The following CEP162 variants were observed in gnomAD, a reference collection of about 807,000 sequenced individuals.
CEP162 encodes centrosomal protein 162.
In CEP162, 141 loss-of-function variants were observed where a neutral mutation model predicts 169.2. The ratio of observed to expected loss-of-function variants is 0.83; its 90% CI spans 0.73 to 0.96. The LOEUF (loss-of-function observed/expected upper bound fraction) is 0.96, where lower values mean the gene tolerates loss of function less well. CEP162 is among the 40% of genes least tolerant of loss of function. The pLI is 0.00. For missense variants in CEP162, 1,600 were observed against 1,587.2 expected (o/e 1.01, Z -0.14); for synonymous variants, 540 against 526.4 (o/e 1.03, Z -0.35).
chr6:84,180,714 G>A (rs1372395920), intron 13 of CEP162, among the ~76,000 whole-genome samples: 1 of 151,934 alleles, frequency 6.6e-6, no homozygotes, highest in Non-Finnish European at 1.5e-5. Flanking sequence ...GACAAACAGA[G>A]AGCCAAATCA....
chr6:84,130,484 T>G (rs916343160), intron 25 of CEP162, among the ~76,000 whole-genome samples: 4 of 152,212 alleles, frequency 2.6e-5, no homozygotes, highest in Non-Finnish European at 4.4e-5. Context: ...ACCCATCCAG[T>G]CCTGGACTTT....
intron 3 of CEP162, among the ~76,000 whole-genome samples, chr6:84,216,959 CTT>C (rs963106167): frequency 7.2e-5 from 11 of 152,116 alleles, no homozygotes; most frequent in African/African-American, 2.7e-4. Context: ...AAAAGTATAA[CTT>C]ATGTTTATGT....
In CEP162 at chr6:84,160,841, C is replaced by G; in HGVS notation, c.2752G>C (p.Ala918Pro). The change falls in exon 21 of 27, where the codon GCC becomes CCC. Residue 918 changes from alanine to proline, a missense_variant. By Grantham distance (27) the Ala-to-Pro change is conservative. Transcript: ENST00000403245. ...CGCTCCAGATCCTGAATTTTTTTGGCATCTGCTGCTTTATCTTTTAAGCGT... is the reference window on the plus strand; with the variant it reads ...CGCTCCAGATCCTGAATTTTTTTGGGATCTGCTGCTTTATCTTTTAAGCGT... Reference protein sequence around the residue: ...KIRLKDKAADAKKIQDLERQV... With the variant: ...KIRLKDKAADPKKIQDLERQV... 1 of 1,612,260 alleles carries G rather than the reference C, an allele frequency of 6.2e-7. No homozygotes were observed. The highest frequency in any genetic ancestry group is 8.5e-7 in the Non-Finnish European group (1 of 1,178,642).
intron 7 of CEP162, among the ~76,000 whole-genome samples, chr6:84,202,588 C>T (rs2099545071): frequency 1.6e-5 from 2 of 126,430 alleles, no homozygotes; most frequent in Non-Finnish European, 3.1e-5. Context: ...AGTGCAGTGG[C>T]TCAATCTTGG....
Position 84,209,512 on chromosome 6 carries a change from T to C in CEP162, c.571+3445A>G, listed in dbSNP as rs200769575. ...GCCTCAGCCTCCTGAGTAGCTGGGA[T>C]TACAGGTGCCCGCCACCACGCCCGG... On this transcript the variant is annotated intron_variant, in intron 6 of 26. Coordinates refer to ENST00000403245, the MANE Select transcript of CEP162 (RefSeq NM_014895.4). Among the ~76,000 whole-genome samples the C allele has an allele frequency of 2.0e-5, 3 of 151,898 alleles. No homozygotes were observed. In the South Asian group the frequency reaches 6.2e-4, roughly 32 times the overall value.
intron 25 of CEP162, among the ~76,000 whole-genome samples, chr6:84,139,086 G>C (rs1271002258): frequency 2.6e-5 from 4 of 152,116 alleles, no homozygotes; most frequent in African/African-American, 7.2e-5. Context: ...ACACTTTTTA[G>C]AATGAAATGG....
Position 84,139,078 on chromosome 6 carries a change from A to G in CEP162, c.3870+7609T>C, listed in dbSNP as rs78015050. On this transcript the variant is annotated intron_variant, in intron 25 of 26. Coordinates refer to ENST00000403245, the MANE Select transcript of CEP162 (RefSeq NM_014895.4). ...ATGTGCAGCTTTCCTGGCCTTTCAC[A>G]CTTTTTAGAATGAAATGGATCTTAG... Among the ~76,000 whole-genome samples the G allele has an allele frequency of 1.7e-4, 26 of 152,316 alleles. No individual in the cohort carries two copies. The East Asian group carries it at 5.0e-3, about 29-fold the overall frequency.
chr6:84,155,313 C>G lies in CEP162; in HGVS notation c.2979G>C (p.Gln993His). The change falls in exon 22 of 27, where the codon CAG becomes CAC. Residue 993 changes from glutamine to histidine, a missense_variant. Gln to His is a conservative substitution (Grantham distance 24). Coordinates refer to ENST00000403245, the MANE Select transcript of CEP162 (RefSeq NM_014895.4). ...AKKSLRTMEQ[Q>H]FQKMKIQYEQ... is the part of the protein sequence containing the mutation. ...TACCACTTACCTTCATTTTCTGAAA[C>G]TGTTGTTCCATGGTACGAAGGCTTT... 6.2e-7 allele frequency: 1 copy of G among 1,613,130 alleles called. No individual in the cohort carries two copies. The highest frequency in any genetic ancestry group is 8.5e-7 in the Non-Finnish European group (1 of 1,179,380).
intron 25 of CEP162, among the ~76,000 whole-genome samples, chr6:84,134,851 G>T (rs904851193): frequency 1.3e-5 from 2 of 151,488 alleles, no homozygotes; most frequent in Non-Finnish European, 2.9e-5. Flanking sequence ...ATATTATAAT[G>T]CCTCTATTTT....
intron 21 of CEP162, among the ~76,000 whole-genome samples, chr6:84,158,240 G>C (rs967436687): frequency 2.0e-5 from 3 of 152,210 alleles, no homozygotes; most frequent in Non-Finnish European, 4.4e-5. Context: ...ATTTGGGTTA[G>C]ACTGTGCCAC....
intron 21 of CEP162, among the ~76,000 whole-genome samples, chr6:84,159,523 T>TTTTATATATATATATA (rs1244967462): frequency 3.5e-4 from 13 of 37,136 alleles, no homozygotes; most frequent in African/African-American, 1.4e-3. Flanking sequence ...AATTAATTAT[T>TTTTATATATATATATA]TATATATATA....
intron 25 of CEP162, among the ~76,000 whole-genome samples, chr6:84,129,918 G>A (rs1381666151): frequency 6.6e-6 from 1 of 152,150 alleles, no homozygotes; most frequent in Non-Finnish European, 1.5e-5. Flanking sequence ...GGAGTGGTGA[G>A]AGAGGGCATC....
chr6:84,197,964 C>G (rs2099542872), intron 9 of CEP162, among the ~76,000 whole-genome samples: 1 of 152,168 alleles, frequency 6.6e-6, no homozygotes, highest in Middle Eastern at 3.4e-3. Flanking sequence ...ATGGTACTTG[C>G]CTGTGAGACA....
intron 25 of CEP162, among the ~76,000 whole-genome samples, chr6:84,136,188 C>T (rs2099513985): frequency 6.6e-6 from 1 of 152,172 alleles, no homozygotes; most frequent in African/African-American, 2.4e-5. Flanking sequence ...AACAACTGAT[C>T]AGTTATAGCT....
intron 25 of CEP162, among the ~76,000 whole-genome samples, chr6:84,135,769 A>G (rs1395165826): frequency 2.6e-5 from 4 of 152,188 alleles, no homozygotes; most frequent in African/African-American, 7.2e-5. Context: ...AAGCTGAGAC[A>G]TAAGAATCAC....
intron 6 of CEP162, among the ~76,000 whole-genome samples, chr6:84,212,527 A>G (rs998996639): frequency 9.9e-5 from 15 of 151,968 alleles, no homozygotes; most frequent in Non-Finnish European, 7.4e-5. Flanking sequence ...TAAGAAAAAA[A>G]TACAACAAAG....
At chr6:84,210,427 T>G (rs2099548986) in intron 6 of CEP162, among the ~76,000 whole-genome samples, 1 of 152,154 alleles carries the variant, frequency 6.6e-6, no homozygotes, top group South Asian at 2.1e-4. Flanking sequence ...TTTCAGATAT[T>G]AGACAACTGG....
Position 84,124,670 on chromosome 6 carries a change from C to A in CEP162, c.*400G>T. 1 of 238,924 alleles carries A rather than the reference C, an allele frequency of 4.2e-6. No homozygotes were observed. Among genetic ancestry groups the A allele is most frequent in the South Asian group, 5.3e-5 (1 of 18,742 alleles). 14.8% of individuals were successfully genotyped at this position (238,924 alleles called of 1,614,324 possible). The stretch of plus-strand genomic sequence containing the variant: ...TGATGGGTACACTAGAAGCCCAATT[C>A]CCACCATTATTCAATACACCCATGT... On this transcript the variant is annotated 3_prime_UTR_variant, in exon 27 of 27. Transcript: ENST00000403245.
At chr6:84,166,287 C>T (rs1391791506) in intron 18 of CEP162, among the ~76,000 whole-genome samples, 5 of 152,148 alleles carry the variant, frequency 3.3e-5, no homozygotes, top group Non-Finnish European at 5.9e-5. Context: ...TAACAAACTC[C>T]GGGCTTTTGC....
Sources: gnomAD v4.1 joint callset for allele counts (sites outside exome capture counted in the v4.1 genomes callset) on GRCh38, gnomAD v4.1.1 for gene constraint, MANE v1.5 for transcripts, NCBI Gene and HGNC (gene_info 2026-07-23, HGNC 2026-07-21) for gene names.